PPARGC1B: variants seen among roughly 807,000 people sequenced by gnomAD.
PPARGC1B encodes the protein PPARG coactivator 1 beta.
Under a neutral mutation model 101.6 loss-of-function variants are expected in PPARGC1B, and 34 were observed. The observed-to-expected ratio is 0.33, with a 90% CI of 0.25 to 0.45. PPARGC1B has a LOEUF of 0.45. Among genes scored for constraint, PPARGC1B ranks in the 20% least tolerant of loss-of-function variants. PPARGC1B has a pLI of 1.00. For synonymous variants in PPARGC1B, 548 were observed against 539.3 expected (o/e 1.02, Z -0.22); for missense variants, 1,234 against 1,317.6 (o/e 0.94, Z 0.98).
At chr5:149,845,677 C>T (rs1413263184) in intron 10 of PPARGC1B, 83 bp from the exon 11 acceptor site, 10 of 1,416,986 alleles carry the variant, frequency 7.1e-6, no homozygotes, top group East Asian at 4.6e-5. Flanking sequence ...CTGTGGCAGT[C>T]GGTTCCTCAT....
intron 1 of PPARGC1B, among the ~76,000 whole-genome samples, chr5:149,740,689 C>T (rs902555928): frequency 5.9e-5 from 9 of 152,220 alleles, no homozygotes; most frequent in Admixed American, 3.3e-4. Flanking sequence ...GAGCAAGTAT[C>T]TTAACTTCTC....
At chr5:149,743,444 C>A (rs982391039) in intron 1 of PPARGC1B, among the ~76,000 whole-genome samples, 1 of 152,088 alleles carries the variant, frequency 6.6e-6, no homozygotes, top group Non-Finnish European at 1.5e-5. Context: ...CGTGAGCCAC[C>A]GTGCCCGGCC....
intron 1 of PPARGC1B, chr5:149,772,219 G>C: frequency 6.3e-7 from 1 of 1,588,012 alleles, no homozygotes; most frequent in Non-Finnish European, 8.6e-7. Context: ...TGACGATTGT[G>C]ACATGCTGCC....
chr5:149,818,529 A>G (rs892561405), intron 1 of PPARGC1B, among the ~76,000 whole-genome samples: 15 of 152,170 alleles, frequency 9.9e-5, no homozygotes, highest in Non-Finnish European at 1.8e-4. Context: ...CAAAATGCCA[A>G]TTAAGACATT....
chr5:149,792,602 A>G (rs28417138), intron 1 of PPARGC1B, among the ~76,000 whole-genome samples: 21,024 of 152,082 alleles, frequency 0.14, 1,701 homozygotes, highest in South Asian at 0.24. Context: ...TCTCTTTTAA[A>G]TCTTTTTGTG....
intron 1 of PPARGC1B, among the ~76,000 whole-genome samples, chr5:149,748,879 G>A (rs12654427): frequency 0.33 from 50,157 of 152,084 alleles, 8,774 homozygotes; most frequent in Non-Finnish European, 0.39. Context: ...AGGCTGCTCT[G>A]CAGAAGGGGA....
chr5:149,824,379 T>C lies in PPARGC1B; in HGVS notation c.253-2294T>C, dbSNP rs533551186. Among the ~76,000 whole-genome samples, 5 of 152,256 alleles carry C rather than the reference T, an allele frequency of 3.3e-5. No individual in the cohort carries two copies. The East Asian group carries it at 9.7e-4, about 29-fold the overall frequency. ...GTTCATTGTTTGGTTCATTCACTCT[T>C]TCATTAAGTAAATCTGCCGTGGTGC... On this transcript the variant is annotated intron_variant, in intron 2 of 11. Transcript: ENST00000309241.
At position 149,832,823 on chromosome 5, in the gene PPARGC1B, G is replaced by A. The variant is rs1330826024; in HGVS notation, c.750G>A (p.Pro250=). The A allele has an allele frequency of 1.9e-6, 3 of 1,610,868 alleles. No homozygotes were observed. Among genetic ancestry groups the A allele is most frequent in the South Asian group, 1.1e-5 (1 of 90,792 alleles). The change falls in exon 5 of 12, where the codon CCG becomes CCA. Residue 250 remains proline, a synonymous_variant. Transcript: ENST00000309241. This position sits in a 1 kb window ranked among gnomAD's most constrained non-coding sequence, Gnocchi z 4.9. ...PRLPAKEDKE[P]GEDCPSPQPA... ...TCCCTGCCAAGGAGGACAAGGAGCC[G>A]GGTGAGGACTGCCCGAGCCCCCAGC...
intron 1 of PPARGC1B, among the ~76,000 whole-genome samples, chr5:149,801,604 G>C (rs1561556398): frequency 6.6e-6 from 1 of 152,186 alleles, no homozygotes; most frequent in Non-Finnish European, 1.5e-5. Flanking sequence ...GCCACAGAAA[G>C]AGTTTCAGTC....
intron 1 of PPARGC1B, among the ~76,000 whole-genome samples, chr5:149,818,687 C>G (rs1027221089): frequency 6.6e-6 from 1 of 152,190 alleles, no homozygotes; most frequent in Admixed American, 6.5e-5. Context: ...ACATATGCCT[C>G]TTTTTGTTCT....
In PPARGC1B at chr5:149,820,446, G is replaced by C; in HGVS notation, c.92G>C (p.Gly31Ala). The change falls in exon 2 of 12, where the codon GGG becomes GCG. Residue 31 changes from glycine (G) to alanine (A), a missense_variant. Coordinates refer to ENST00000309241, the MANE Select transcript of PPARGC1B (RefSeq NM_133263.4). ...YLADTQGGGS[G>A]EEQLYADFPE... ...CTGTCTCCTCAGGGTGGAGGGTCCG[G>C]GGAGGAGCAACTCTATGCTGACTTT... 2 of 1,613,948 alleles carry C rather than the reference G, an allele frequency of 1.2e-6. No individual in the cohort carries two copies. The highest frequency in any genetic ancestry group is 8.5e-7 in the Non-Finnish European group (1 of 1,179,990).
rs1044309751 is a variant in PPARGC1B, at chr5:149,849,904, G to A, written c.*2346G>A. ...TCCCACAGCACAGACCTGATCATTC[G>A]GATTTCCTCTTTAGCTATTCACTGC... On this transcript the variant is annotated 3_prime_UTR_variant, in exon 12 of 12. Coordinates refer to ENST00000309241, the MANE Select transcript of PPARGC1B (RefSeq NM_133263.4). 1.3e-5 allele frequency: 2 copies of A among 152,150 alleles called. No individual in the cohort carries two copies. Among genetic ancestry groups the A allele is most frequent in the Non-Finnish European group, 2.9e-5 (2 of 68,036 alleles). 9.4% of individuals were successfully genotyped at this position (152,150 alleles called of 1,614,324 possible). A position where few individuals can be genotyped will look rare whatever the true frequency, so the allele number is the denominator to read the frequency against.
chr5:149,855,621 T>C (rs1759929236), downstream of PPARGC1B, among the ~76,000 whole-genome samples: 1 of 152,206 alleles, frequency 6.6e-6, no homozygotes, highest in Non-Finnish European at 1.5e-5. Context: ...AACATTTTCC[T>C]TTGTGTACTT....
chr5:149,795,681 G>GTC (rs1402271174), intron 1 of PPARGC1B, among the ~76,000 whole-genome samples: 1 of 152,174 alleles, frequency 6.6e-6, no homozygotes, highest in African/African-American at 2.4e-5. Flanking sequence ...GCGGGATGAG[G>GTC]TCACAGCATC....
chr5:149,805,777 G>T (rs546579901), intron 1 of PPARGC1B, among the ~76,000 whole-genome samples: 1 of 152,344 alleles, frequency 6.6e-6, no homozygotes, highest in South Asian at 2.1e-4. Flanking sequence ...AATTCACTCT[G>T]GTTAAATAGG....
At chr5:149,834,082 G>T (rs1561615674) in intron 5 of PPARGC1B, among the ~76,000 whole-genome samples, 1 of 152,192 alleles carries the variant, frequency 6.6e-6, no homozygotes, top group African/African-American at 2.4e-5. Context: ...ATTGCAATAG[G>T]TACTGTAAAG....
chr5:149,788,896 G>C (rs1347682524), intron 1 of PPARGC1B, among the ~76,000 whole-genome samples: 1 of 152,126 alleles, frequency 6.6e-6, no homozygotes, highest in African/African-American at 2.4e-5. Context: ...TGGACACAGG[G>C]TGGGGAACAT....
intron 1 of PPARGC1B, among the ~76,000 whole-genome samples, chr5:149,813,402 G>A (rs1331427989): frequency 6.6e-6 from 1 of 152,216 alleles, no homozygotes; most frequent in Non-Finnish European, 1.5e-5. Flanking sequence ...AGGCCGACCT[G>A]AAGAGAGCCA....
rs72364863 is a variant in PPARGC1B, at chr5:149,784,560, C to CTTTTTTT, written c.79-35856_79-35850dup. Among the ~76,000 whole-genome samples the CTTTTTTT allele has an allele frequency of 1.2e-4, 9 of 75,716 alleles. 1 individual carries two copies. The highest frequency in any genetic ancestry group is 2.0e-4 in the Admixed American group (1 of 4,984). 49.7% of individuals were successfully genotyped at this position (75,716 alleles called of 152,430 possible). A position where few individuals can be genotyped will look rare whatever the true frequency, so the allele number is the denominator to read the frequency against. ...AGCCTCACTCCAGCCAACTGAGTTT[C>CTTTTTTT]TTTTTTTTTTTTTTTTTTTTTTTCT... On this transcript the variant is annotated intron_variant, in intron 1 of 11. Transcript: ENST00000309241.
Sources: allele counts gnomAD v4.1 joint callset (sites outside exome capture counted in the v4.1 genomes callset), GRCh38; gene constraint gnomAD v4.1.1; non-coding constraint Gnocchi (gnomAD v3.1); transcripts MANE v1.5; gene names NCBI Gene and HGNC (gene_info 2026-07-23, HGNC 2026-07-21).